Variants in ESRP1 observed in about 807,000 individuals in gnomAD.
ESRP1 encodes epithelial splicing regulatory protein 1, also known as RNA-binding motif protein 35A.
A neutral mutation model predicts 81.7 loss-of-function variants in ESRP1; 33 were observed. The ratio of observed to expected loss-of-function variants is 0.40; its 90% CI spans 0.31 to 0.54. The LOEUF (loss-of-function observed/expected upper bound fraction) is 0.54, where lower values mean the gene tolerates loss of function less well. Ranked by LOEUF, ESRP1 falls within the 20% of genes least tolerant of loss-of-function variation. ESRP1 has a pLI of 0.41. For synonymous variants in ESRP1, 320 were observed against 303.3 expected, an observed-to-expected ratio of 1.06 and a Z score of -0.57; for missense variants, 672 against 833.1, an observed-to-expected ratio of 0.81 and a Z score of 2.38.
chr8:94,670,263 C>T (rs897019713), intron 10 of ESRP1, among the ~76,000 whole-genome samples: 3 of 152,160 alleles, frequency 2.0e-5, no homozygotes, highest in Non-Finnish European at 4.4e-5. Context: ...TATTTGAGCA[C>T]CTCTTAATTG....
chr8:94,660,588 A>G (rs1248797298), intron 4 of ESRP1, among the ~76,000 whole-genome samples: 1 of 151,976 alleles, frequency 6.6e-6, no homozygotes, highest in African/African-American at 2.4e-5. Flanking sequence ...AAATACAAAA[A>G]TTAGCTGGGT....
intron 12 of ESRP1, 134 bp from the exon 13 acceptor site, chr8:94,678,069 C>T: frequency 1.1e-6 from 1 of 875,922 alleles, no homozygotes; most frequent in Non-Finnish European, 1.7e-6. Flanking sequence ...AAGGAAATTG[C>T]TTGGGATAGG....
chr8:94,697,752 G>T (rs1309276468), intron 15 of ESRP1, among the ~76,000 whole-genome samples: 1 of 151,926 alleles, frequency 6.6e-6, no homozygotes, highest in Non-Finnish European at 1.5e-5. Context: ...TTTGGATTGG[G>T]TATACTTTTT....
chr8:94,665,093 T>C (rs1818952595), intron 8 of ESRP1, 34 bp downstream of exon 8: 1 of 1,613,632 alleles, frequency 6.2e-7, no homozygotes, highest in African/African-American at 1.3e-5. Flanking sequence ...CTGGACATCG[T>C]GAATGAGAAT....
intron 13 of ESRP1, among the ~76,000 whole-genome samples, chr8:94,683,638 A>T (rs573969838): frequency 6.6e-6 from 1 of 152,246 alleles, no homozygotes; most frequent in Non-Finnish European, 1.5e-5. Context: ...ACAAATGCAG[A>T]CAAGAATTTA....
chr8:94,643,291 T>C lies in ESRP1; in HGVS notation c.262-12T>C. On this transcript the variant is annotated splice_polypyrimidine_tract_variant and intron_variant, in intron 2 of 15. Transcript: ENST00000433389. ...CATCAGTTGCATCCCTATGTGTATC[T>C]TGTTCTTGCAGTTTAACCAGTCAGT... 1 of 1,557,464 alleles carries C rather than the reference T, an allele frequency of 6.4e-7. No individual in the cohort carries two copies. The highest frequency in any genetic ancestry group is 8.9e-7 in the Non-Finnish European group (1 of 1,128,428).
intron 4 of ESRP1, among the ~76,000 whole-genome samples, chr8:94,653,639 C>CAA (rs774450730): frequency 4.6e-5 from 7 of 152,142 alleles, no homozygotes; most frequent in Non-Finnish European, 1.0e-4. Context: ...GTAGACCTTT[C>CAA]AAAGCATCAG....
At position 94,671,458 on chromosome 8, in the gene ESRP1, G is replaced by C. The variant is rs779554414; in HGVS notation, c.1239G>C (p.Leu413=). ...RSTAAEVQQV[L]NRFSSAPLIP... ...CTGTTTTGCTTTGAGTACAGGTGCTGAATCGATTCTCCTCGGCCCCTCTCA... is the reference window on the plus strand; with the variant it reads ...CTGTTTTGCTTTGAGTACAGGTGCTCAATCGATTCTCCTCGGCCCCTCTCA... Residue 413 remains leucine (L), a synonymous_variant, in exon 11 of 16, where the codon CTG becomes CTC. Transcript: ENST00000433389. The C allele has an allele frequency of 6.2e-7, 1 of 1,612,464 alleles. No individual in the cohort carries two copies. Among genetic ancestry groups the C allele is most frequent in the Admixed American group, 1.7e-5 (1 of 59,906 alleles).
At chr8:94,650,492 A>G (rs1467258311) in intron 4 of ESRP1, among the ~76,000 whole-genome samples, 1 of 152,090 alleles carries the variant, frequency 6.6e-6, no homozygotes, top group Non-Finnish European at 1.5e-5. Flanking sequence ...TGCATTTAAG[A>G]TTACTCCATG....
In ESRP1 at chr8:94,665,237, T is replaced by C. The variant is rs1309085539; in HGVS notation, c.931+41T>C. The C allele has an allele frequency of 1.9e-6, 3 of 1,590,658 alleles. No individual in the cohort carries two copies. The East Asian group carries it at 6.7e-5, about 36-fold the overall frequency. ...ATAATGTGGCTTTAGTTAATAAGAA[T>C]CTAAAAATTTTGCATACTTAAATTT... On this transcript the variant is annotated intron_variant, in intron 9 of 15. Transcript: ENST00000433389.
intron 13 of ESRP1, among the ~76,000 whole-genome samples, chr8:94,685,922 A>C (rs1424536304): frequency 6.6e-6 from 1 of 152,138 alleles, no homozygotes; most frequent in Non-Finnish European, 1.5e-5. Flanking sequence ...TTTTATTTAC[A>C]TTGTGCTTGG....
At chr8:94,656,276 T>A (rs969284340) in intron 4 of ESRP1, 1 of 151,762 alleles carries the variant, frequency 6.6e-6, no homozygotes, top group African/African-American at 2.4e-5. Flanking sequence ...TGGAGTACAG[T>A]GGCGCGATCC....
intron 12 of ESRP1, among the ~76,000 whole-genome samples, chr8:94,676,891 G>A (rs540639323): frequency 1.3e-4 from 19 of 151,916 alleles, no homozygotes; most frequent in African/African-American, 3.6e-4. Flanking sequence ...GGTGGCTTAC[G>A]CCTGTAATCC....
chr8:94,692,926 G>A (rs956286105), intron 14 of ESRP1, 99 bp downstream of exon 14: 27 of 1,318,342 alleles, frequency 2.0e-5, no homozygotes, highest in East Asian at 1.0e-4. Context: ...TATGAAACTC[G>A]TGTGTGTATA....
chr8:94,643,940 T>C (rs1817729349), intron 3 of ESRP1, among the ~76,000 whole-genome samples: 1 of 152,262 alleles, frequency 6.6e-6, no homozygotes, highest in Non-Finnish European at 1.5e-5. Context: ...TTAAAAAGGC[T>C]ACTTAAATAA....
chr8:94,682,609 T>G (rs192930944), intron 13 of ESRP1, among the ~76,000 whole-genome samples: 37 of 151,948 alleles, frequency 2.4e-4, no homozygotes, highest in African/African-American at 8.4e-4. Flanking sequence ...TCAAGCAATC[T>G]TCCCACGTCA....
Position 94,643,286 on chromosome 8 carries a change from G to T in ESRP1, c.262-17G>T. ...TCGTGCATCAGTTGCATCCCTATGT[G>T]TATCTTGTTCTTGCAGTTTAACCAG... On this transcript the variant is annotated splice_polypyrimidine_tract_variant and intron_variant, in intron 2 of 15. Transcript: ENST00000433389. 1 of 1,521,040 alleles carries T rather than the reference G, an allele frequency of 6.6e-7. No individual in the cohort carries two copies. The highest frequency in any genetic ancestry group is 1.1e-5 in the South Asian group (1 of 88,962). The allele number at this position is 1,521,040 out of a possible 1,614,324, so 94.2% of individuals were successfully genotyped here.
rs1427513870 is a variant in ESRP1, at chr8:94,706,837, A to G, written c.*948A>G. ...ACTGAACAGAAGTGAATGCTTATAT[A>G]TATTATGATAGCCTTAAACCTTTTT... On this transcript the variant is annotated 3_prime_UTR_variant, in exon 16 of 16. Transcript: ENST00000433389. 6.6e-6 allele frequency: 1 copy of G among 152,214 alleles called. No individual in the cohort carries two copies. The highest frequency in any genetic ancestry group is 6.5e-5 in the Admixed American group (1 of 15,274). 9.4% of individuals were successfully genotyped at this position (152,214 alleles called of 1,614,324 possible).
At chr8:94,692,514 CAG>C (rs1369487333) in intron 13 of ESRP1, among the ~76,000 whole-genome samples, 161 bp from the exon 14 acceptor site, 1 of 152,182 alleles carries the variant, frequency 6.6e-6, no homozygotes, top group Non-Finnish European at 1.5e-5. Flanking sequence ...AAATGTGAGA[CAG>C]AACTGCTGTG....
Sources: allele counts gnomAD v4.1 joint callset (sites outside exome capture counted in the v4.1 genomes callset), GRCh38; gene constraint gnomAD v4.1.1; transcripts MANE v1.5; gene names NCBI Gene and HGNC (gene_info 2026-07-23, HGNC 2026-07-21).